Variants in ROS1 observed in about 807,000 individuals in gnomAD.
The protein encoded by ROS1 is ROS proto-oncogene 1, receptor tyrosine kinase.
A neutral mutation model predicts 273.5 loss-of-function variants in ROS1; 263 were observed. That is an observed-to-expected ratio of 0.96 (90% CI 0.87 to 1.06). ROS1 has a LOEUF of 1.06. Ranked by LOEUF, ROS1 falls within the 50% of genes least tolerant of loss-of-function variation. The probability of loss-of-function intolerance (pLI) is 0.00; values close to 1 mark genes in which losing one functional copy is unlikely to be tolerated. For missense variants in ROS1, 2,833 were observed against 2,751.1 expected, an observed-to-expected ratio of 1.03 and a Z score of -0.67; for synonymous variants, 1,008 against 954.1, an observed-to-expected ratio of 1.06 and a Z score of -1.04.
intron 1 of ROS1, among the ~76,000 whole-genome samples, chr6:117,425,222 A>T (rs1320023853): frequency 6.6e-6 from 1 of 152,182 alleles, no homozygotes. Context: ...CTTTGTAATA[A>T]ATAAGTTTAA....
intron 27 of ROS1, among the ~76,000 whole-genome samples, chr6:117,348,031 T>G (rs1229436008): frequency 6.6e-6 from 1 of 152,010 alleles, no homozygotes; most frequent in East Asian, 1.9e-4. Context: ...GGTCTAAAAT[T>G]TTCTTTTCTT....
chr6:117,288,565 C>T lies in ROS1; in HGVS notation c.6953G>A (p.Cys2318Tyr), dbSNP rs1773592818. The T allele has an allele frequency of 6.2e-7, 1 of 1,614,142 alleles. No homozygotes were observed. Among genetic ancestry groups the T allele is most frequent in the East Asian group, 2.2e-5 (1 of 44,874 alleles). Residue 2318 changes from cysteine to tyrosine, a missense_variant, in exon 44 of 44, where the codon TGC becomes TAC. Coordinates refer to ENST00000368507, the MANE Select transcript of ROS1 (RefSeq NM_001378902.1). ...CAGGCCTTCAGGCTTGCCAGAAGGG[C>T]AGTAAGCCACTTGTTTTTCTTGGCA... ...DFCQEKQVAY[C>Y]PSGKPEGLNY...
At chr6:117,359,189 C>T (rs1157860559) in intron 24 of ROS1, among the ~76,000 whole-genome samples, 1 of 152,160 alleles carries the variant, frequency 6.6e-6, no homozygotes, top group East Asian at 1.9e-4. Context: ...ATTCTACCAC[C>T]ACCAAGCCAA....
At chr6:117,356,570 T>A (rs950613889) in intron 26 of ROS1, 59 bp downstream of exon 26, 1 of 1,460,052 alleles carries the variant, frequency 6.8e-7, no homozygotes, top group African/African-American at 1.4e-5. Flanking sequence ...CCTTTGTAAA[T>A]GCAGTTGAAG....
chr6:117,314,177 G>T (rs540709100), intron 39 of ROS1, among the ~76,000 whole-genome samples: 7 of 151,970 alleles, frequency 4.6e-5, no homozygotes, highest in Non-Finnish European at 8.8e-5. Flanking sequence ...TTGAATGTGC[G>T]CATTTTTAGT....
intron 27 of ROS1, among the ~76,000 whole-genome samples, chr6:117,352,281 T>C (rs1278267327): frequency 6.6e-6 from 1 of 152,186 alleles, no homozygotes; most frequent in Non-Finnish European, 1.5e-5. Context: ...TTTTTGTTTG[T>C]ATGGTTTTTA....
intron 11 of ROS1, 152 bp from the exon 12 acceptor site, chr6:117,393,473 GAC>G (rs1773237263): frequency 1.7e-6 from 1 of 590,786 alleles, no homozygotes; most frequent in South Asian, 2.4e-5. Context: ...GCCCTTAAAC[GAC>G]AGTTTTATAT....
At chr6:117,389,874 G>C (rs535169788) in intron 12 of ROS1, 28 bp from the exon 13 acceptor site, 2 of 1,583,032 alleles carry the variant, frequency 1.3e-6, no homozygotes, top group Non-Finnish European at 1.7e-6. Flanking sequence ...GAAACCTCAT[G>C]AGATTCAGTC....
intron 12 of ROS1, among the ~76,000 whole-genome samples, chr6:117,390,849 T>C (rs1329793862): frequency 2.0e-5 from 3 of 152,218 alleles, no homozygotes; most frequent in Non-Finnish European, 4.4e-5. Flanking sequence ...GGCAGGTTAT[T>C]TTAATAATGA....
At chr6:117,414,654 A>G (rs553864789) in intron 3 of ROS1, 109 bp from the exon 4 acceptor site, 1 of 575,486 alleles carries the variant, frequency 1.7e-6, no homozygotes, top group South Asian at 2.4e-5. Flanking sequence ...CACCATTGAT[A>G]AACAACCAAA....
At position 117,394,234 on chromosome 6, in the gene ROS1, T is replaced by G; in HGVS notation, c.1119A>C (p.Arg373Ser). 1.2e-6 allele frequency: 2 copies of G among 1,610,460 alleles called. No homozygotes were observed. Among genetic ancestry groups the G allele is most frequent in the Non-Finnish European group, 1.7e-6 (2 of 1,178,532 alleles). Residue 373 changes from arginine to serine, a missense_variant, in exon 11 of 44, where the codon AGA becomes AGC. Physicochemically the swap from Arg to Ser is moderately radical, Grantham distance 110 (BLOSUM62 -1). Transcript: ENST00000368507. Reference protein sequence around the residue: ...SDVSDLRIFYRGSGLISSISI... With the variant: ...SDVSDLRIFYSGSGLISSISI... ...AGATAGAAGAAATTAATCCTGAACC[T>G]CTGTAAAAAATTCTCAGGTCAGATA...
At chr6:117,332,693 A>T (rs1777171821) in intron 32 of ROS1, among the ~76,000 whole-genome samples, 1 of 152,162 alleles carries the variant, frequency 6.6e-6, no homozygotes, top group Non-Finnish European at 1.5e-5. Context: ...TAAGAAACTC[A>T]CTCAAAACCA....
At chr6:117,394,568 A>G in intron 10 of ROS1, 48 bp downstream of exon 10, 8 of 1,447,036 alleles carry the variant, frequency 5.5e-6, no homozygotes, top group Non-Finnish European at 7.3e-6. Flanking sequence ...TACTTCTTTT[A>G]GAATCTTCTT....
chr6:117,410,903 G>A (rs9398459), intron 4 of ROS1, among the ~76,000 whole-genome samples: 3 of 151,986 alleles, frequency 2.0e-5, no homozygotes, highest in South Asian at 2.1e-4. Context: ...TATACGTTTC[G>A]CATCCTGTTT....
chr6:117,288,003 C>T lies in ROS1; in HGVS notation c.*489G>A, dbSNP rs1472724693. ...CAAGTGATTTCTCAAGTCACAGGTG[C>T]TGGTTTCTTCTGTATGTGTGAAATT... On this transcript the variant is annotated 3_prime_UTR_variant, in exon 44 of 44. Transcript: ENST00000368507. Among the ~76,000 whole-genome samples the T allele has an allele frequency of 1.3e-5, 2 of 151,892 alleles. No individual in the cohort carries two copies. The highest frequency in any genetic ancestry group is 2.9e-5 in the Non-Finnish European group (2 of 67,986).
intron 43 of ROS1, among the ~76,000 whole-genome samples, chr6:117,295,007 C>G (rs1181467183): frequency 6.6e-6 from 1 of 152,138 alleles, no homozygotes; most frequent in African/African-American, 2.4e-5. Context: ...CCAAAGCTAT[C>G]CTAAGCAAAA....
chr6:117,288,398 A>T lies in ROS1; in HGVS notation c.*94T>A. On this transcript the variant is annotated 3_prime_UTR_variant, in exon 44 of 44. Transcript: ENST00000368507. The stretch of plus-strand genomic sequence containing the variant: ...TTGCATTGTTTATTTGGAGTTATAG[A>T]CCACCATGACATTTATCATTCTAGC... The T allele has an allele frequency of 9.0e-7, 1 of 1,109,210 alleles. No homozygotes were observed. Among genetic ancestry groups the T allele is most frequent in the Non-Finnish European group, 1.3e-6 (1 of 768,072 alleles). The allele number at this position is 1,109,210 out of a possible 1,614,324, so 68.7% of individuals were successfully genotyped here.
chr6:117,389,943 T>C lies in ROS1; in HGVS notation c.1290-97A>G. On this transcript the variant is annotated intron_variant, in intron 12 of 43. Coordinates refer to ENST00000368507, the MANE Select transcript of ROS1 (RefSeq NM_001378902.1). ...CTTCATTCTGTTGCACAATCAGAAC[T>C]ATGTATCTCTGATGTTGCTAAGTAC... The C allele has an allele frequency of 7.4e-6, 8 of 1,082,574 alleles. No individual in the cohort carries two copies. In the South Asian group the frequency reaches 1.1e-4, roughly 15 times the overall value. The allele number at this position is 1,082,574 out of a possible 1,614,324, so 67.1% of individuals were successfully genotyped here.
intron 7 of ROS1, among the ~76,000 whole-genome samples, chr6:117,401,338 C>G (rs1172951180): frequency 6.6e-6 from 1 of 152,162 alleles, no homozygotes; most frequent in Non-Finnish European, 1.5e-5. Flanking sequence ...TTAGAACACT[C>G]CAAAGACATT....
Sources: gnomAD v4.1 joint callset for allele counts (sites outside exome capture counted in the v4.1 genomes callset) on GRCh38, gnomAD v4.1.1 for gene constraint, MANE v1.5 for transcripts, NCBI Gene and HGNC (gene_info 2026-07-23, HGNC 2026-07-21) for gene names.